Variants in TEX36 observed in about 807,000 individuals in gnomAD.
The protein encoded by TEX36 is testis-expressed protein 36.
Under a neutral mutation model 13.6 loss-of-function variants are expected in TEX36, and 12 were observed. That is an observed-to-expected ratio of 0.88 (90% CI 0.56 to 1.43). The LOEUF (loss-of-function observed/expected upper bound fraction) is 1.43. Among genes scored for constraint, TEX36 ranks in the 40% most tolerant of loss-of-function variants. The pLI is 0.00. For synonymous variants in TEX36, 93 were observed against 83.0 expected, an observed-to-expected ratio of 1.12 and a Z score of -0.65; for missense variants, 224 against 228.3, an observed-to-expected ratio of 0.98 and a Z score of 0.12.
chr10:125,602,281 A>G (rs1391655264), intron 3 of TEX36, among the ~76,000 whole-genome samples: 1 of 152,156 alleles, frequency 6.6e-6, no homozygotes, highest in African/African-American at 2.4e-5. Context: ...CAGGGCCTTC[A>G]TTTTCACTAT....
intron 3 of TEX36, among the ~76,000 whole-genome samples, chr10:125,637,022 C>T (rs1030710318): frequency 6.6e-6 from 1 of 151,984 alleles, no homozygotes; most frequent in African/African-American, 2.4e-5. Flanking sequence ...GAATTATAGG[C>T]CTGGTGCGGT....
chr10:125,652,323 A>T (rs1312070084), downstream of TEX36, among the ~76,000 whole-genome samples: 3 of 152,220 alleles, frequency 2.0e-5, no homozygotes, highest in Non-Finnish European at 1.5e-5. Context: ...AGCCCTCGGA[A>T]ATAATACCAC....
chr10:125,604,309 T>C (rs566046084), intron 3 of TEX36, among the ~76,000 whole-genome samples: 1 of 152,126 alleles, frequency 6.6e-6, no homozygotes, highest in African/African-American at 2.4e-5. Flanking sequence ...AGATCTGGAG[T>C]GGCATTAGAT....
At chr10:125,586,048 C>T (rs560411742) in intron 3 of TEX36, among the ~76,000 whole-genome samples, 6 of 152,146 alleles carry the variant, frequency 3.9e-5, no homozygotes, top group Admixed American at 6.5e-5. Flanking sequence ...CAGTAATAGA[C>T]GGCAACTGTG....
intron 1 of TEX36, among the ~76,000 whole-genome samples, chr10:125,676,277 T>C (rs550958235): frequency 6.6e-6 from 1 of 152,368 alleles, no homozygotes; most frequent in Non-Finnish European, 1.5e-5. Flanking sequence ...ATTTGCCTTA[T>C]GAATCTGGGT....
At chr10:125,671,430 C>T (rs1333648667) in intron 1 of TEX36, among the ~76,000 whole-genome samples, 1 of 152,126 alleles carries the variant, frequency 6.6e-6, no homozygotes, top group Non-Finnish European at 1.5e-5. Flanking sequence ...TGATGAATTA[C>T]ATTTATTGAT....
downstream of TEX36, among the ~76,000 whole-genome samples, chr10:125,619,772 G>C (rs746930929): frequency 2.0e-5 from 3 of 151,776 alleles, no homozygotes; most frequent in Non-Finnish European, 4.4e-5. Context: ...GGCCAGGCTG[G>C]TCTTGAACTC....
downstream of TEX36, among the ~76,000 whole-genome samples, chr10:125,618,921 A>T (rs564321905): frequency 8.1e-3 from 1,099 of 136,394 alleles, 15 homozygotes; most frequent in African/African-American, 0.03. Context: ...CCTGGCTAAC[A>T]CGGTGAAACC....
At chr10:125,639,518 C>T (rs1055896083) in intron 3 of TEX36, among the ~76,000 whole-genome samples, 1 of 141,696 alleles carries the variant, frequency 7.1e-6, no homozygotes, top group Admixed American at 7.7e-5. Context: ...TACATAAGGT[C>T]TTTGGGCATG....
chr10:125,627,745 G>A (rs546825920), intron 3 of TEX36, among the ~76,000 whole-genome samples: 18 of 152,284 alleles, frequency 1.2e-4, no homozygotes, highest in African/African-American at 3.8e-4. Context: ...TTTTATCCTT[G>A]AGAAACATCC....
At chr10:125,622,015 C>T (rs930500773) in intron 3 of TEX36, among the ~76,000 whole-genome samples, 18 of 152,190 alleles carry the variant, frequency 1.2e-4, no homozygotes, top group African/African-American at 4.1e-4. Context: ...TGGCAACACC[C>T]TCACAAACAC....
intron 3 of TEX36, among the ~76,000 whole-genome samples, chr10:125,612,092 T>TA (rs958851022): frequency 1.3e-5 from 2 of 149,278 alleles, no homozygotes; most frequent in Admixed American, 1.3e-4. Context: ...TCTTTTTCTT[T>TA]TTTTTTTTTT....
intron 1 of TEX36, among the ~76,000 whole-genome samples, chr10:125,662,464 G>A (rs536296520): frequency 6.6e-6 from 1 of 152,260 alleles, no homozygotes; most frequent in Non-Finnish European, 1.5e-5. Context: ...CACTGGAAAT[G>A]TAGGATGGTA....
At chr10:125,589,784 T>A (rs886868105) in intron 3 of TEX36, among the ~76,000 whole-genome samples, 1 of 152,224 alleles carries the variant, frequency 6.6e-6, no homozygotes, top group Non-Finnish European at 1.5e-5. Flanking sequence ...AATTACAGTA[T>A]AATTTTCATT....
Position 125,624,856 on chromosome 10 carries a change from A to G in TEX36, c.265-3211T>C, listed in dbSNP as rs1846467988. Among the ~76,000 whole-genome samples, 4 of 152,088 alleles carry G rather than the reference A, an allele frequency of 2.6e-5. No homozygotes were observed. In the South Asian group the frequency reaches 8.3e-4, roughly 32 times the overall value. ...CAAGCAAGCACAGCCACCTAAGAAC[A>G]AGCCATCTTTTTGCATAAAGAGATA... On this transcript the variant is annotated intron_variant, in intron 3 of 3. Coordinates refer to the TEX36 transcript ENST00000526819.
At chr10:125,654,636 G>C (rs942975661), downstream of TEX36, among the ~76,000 whole-genome samples, 2 of 152,136 alleles carry the variant, frequency 1.3e-5, no homozygotes, top group Non-Finnish European at 2.9e-5. Flanking sequence ...TGGGGACATT[G>C]TCAGTCTATA....
chr10:125,676,751 C>T (rs1410892244), intron 1 of TEX36, among the ~76,000 whole-genome samples: 1 of 152,068 alleles, frequency 6.6e-6, no homozygotes, highest in Admixed American at 6.6e-5. Flanking sequence ...TGTAGTGGTA[C>T]AATTTGAATC....
At chr10:125,677,354 TTA>T (rs1243868569) in intron 1 of TEX36, among the ~76,000 whole-genome samples, 1 of 152,202 alleles carries the variant, frequency 6.6e-6, no homozygotes, top group Non-Finnish European at 1.5e-5. Context: ...TTTGATCACT[TTA>T]TGTTATCCAA....
At chr10:125,679,004 G>A (rs2133615353) in intron 1 of TEX36, among the ~76,000 whole-genome samples, 1 of 152,182 alleles carries the variant, frequency 6.6e-6, no homozygotes, top group East Asian at 1.9e-4. Flanking sequence ...GGTTGTCTTT[G>A]GTGGCCACAG....
Sources: gnomAD v4.1 joint callset for allele counts (sites outside exome capture counted in the v4.1 genomes callset) on GRCh38, gnomAD v4.1.1 for gene constraint, MANE v1.5 for transcripts, NCBI Gene and HGNC (gene_info 2026-07-23, HGNC 2026-07-21) for gene names.